The following SGCZ variants were observed in gnomAD, a reference collection of about 807,000 sequenced individuals.
SGCZ encodes the protein zeta-sarcoglycan.
In SGCZ, 40 loss-of-function variants were observed where a neutral mutation model predicts 41.3. That is an observed-to-expected ratio of 0.97 (90% CI 0.75 to 1.26). SGCZ has a LOEUF of 1.26. Ranked by LOEUF, SGCZ falls within the 50% of genes most tolerant of loss-of-function variation. SGCZ has a pLI of 0.00. For missense variants in SGCZ, 552 were observed against 369.8 expected (o/e 1.49, Z -4.04); for synonymous variants, 206 against 137.5 (o/e 1.50, Z -3.49).
chr8:14,383,522 T>C (rs767002925), intron 2 of SGCZ, among the ~76,000 whole-genome samples: 1 of 152,242 alleles, frequency 6.6e-6, no homozygotes, highest in Non-Finnish European at 1.5e-5. Context: ...AAAAGACATG[T>C]AGCCTCACAA....
At chr8:14,231,757 A>C (rs1262196042) in intron 4 of SGCZ, among the ~76,000 whole-genome samples, 4 of 152,192 alleles carry the variant, frequency 2.6e-5, no homozygotes, top group African/African-American at 9.6e-5. Flanking sequence ...TCTCCCTATT[A>C]AACAAAATGT....
chr8:14,776,901 G>A (rs1231446601), intron 1 of SGCZ, among the ~76,000 whole-genome samples: 1 of 152,192 alleles, frequency 6.6e-6, no homozygotes, highest in Non-Finnish European at 1.5e-5. Context: ...ACTGACCACA[G>A]AAATGTTAGA....
At chr8:14,946,749 C>G (rs568455917) in intron 1 of SGCZ, among the ~76,000 whole-genome samples, 1 of 149,626 alleles carries the variant, frequency 6.7e-6, no homozygotes, top group South Asian at 2.1e-4. Context: ...AATCTCAGCT[C>G]ACTGCAACCT....
At chr8:14,502,944 G>C (rs577668642) in intron 2 of SGCZ, among the ~76,000 whole-genome samples, 2 of 152,206 alleles carry the variant, frequency 1.3e-5, no homozygotes, top group African/African-American at 2.4e-5. Context: ...CTCGTTACTG[G>C]GTATGTATTC....
At chr8:14,340,290 T>C (rs182952042) in intron 2 of SGCZ, among the ~76,000 whole-genome samples, 2 of 152,280 alleles carry the variant, frequency 1.3e-5, no homozygotes, top group East Asian at 3.9e-4. Context: ...AAGGAAAATA[T>C]GACCAAAAAT....
At chr8:14,178,356 C>T (rs1804618020) in intron 4 of SGCZ, among the ~76,000 whole-genome samples, 1 of 152,182 alleles carries the variant, frequency 6.6e-6, no homozygotes, top group South Asian at 2.1e-4. Context: ...TTTTAGAATA[C>T]AACTGCTATA....
intron 1 of SGCZ, among the ~76,000 whole-genome samples, chr8:14,718,648 G>A (rs1475060820): frequency 2.5e-5 from 1 of 39,618 alleles, no homozygotes; most frequent in East Asian, 7.8e-4. Flanking sequence ...GTTCACAGGA[G>A]TATGCTATAA....
At chr8:14,948,834 G>A (rs768102829) in intron 1 of SGCZ, among the ~76,000 whole-genome samples, 6 of 151,714 alleles carry the variant, frequency 4.0e-5, no homozygotes, top group Non-Finnish European at 5.9e-5. Flanking sequence ...TTTCACACCC[G>A]TGTGTTTCTT....
At chr8:15,067,078 C>A (rs1805178976) in intron 1 of SGCZ, among the ~76,000 whole-genome samples, 1 of 152,106 alleles carries the variant, frequency 6.6e-6, no homozygotes, top group East Asian at 1.9e-4. Flanking sequence ...TTTTAAAATA[C>A]CTATGTAGAT....
rs144356204 is a variant in SGCZ at position 14,290,962 on chromosome 8, G to A, written c.336+33141C>T. Among the ~76,000 whole-genome samples, 92 of 152,174 alleles carry A rather than the reference G, an allele frequency of 6.0e-4. 1 individual carries two copies. In the East Asian group the frequency reaches 0.011, roughly 18 times the overall value. ...CCTAAAAATCCATCAGTGGATGAAT[G>A]GATAAAGAAAGTATTGTAAATATGT... On this transcript the variant is annotated intron_variant, in intron 3 of 7. Coordinates refer to ENST00000382080, the MANE Select transcript of SGCZ (RefSeq NM_139167.4).
At chr8:14,326,399 G>C (rs1302955271) in intron 2 of SGCZ, among the ~76,000 whole-genome samples, 2 of 151,976 alleles carry the variant, frequency 1.3e-5, no homozygotes, top group Admixed American at 6.6e-5. Context: ...GAAAAATTTT[G>C]AAGAGAGAAA....
chr8:14,253,921 G>A (rs5005957), intron 3 of SGCZ, among the ~76,000 whole-genome samples: 101,332 of 151,796 alleles, frequency 0.67, 34,200 homozygotes, highest in South Asian at 0.78. Context: ...AAAAATTACA[G>A]TTTTTCTCAC....
chr8:14,321,216 A>G (rs1801907546), intron 3 of SGCZ, among the ~76,000 whole-genome samples: 1 of 152,060 alleles, frequency 6.6e-6, no homozygotes, highest in East Asian at 1.9e-4. Context: ...GAATAATGTT[A>G]ATTTTGAAAA....
At chr8:14,200,477 A>T (rs983549942) in intron 4 of SGCZ, among the ~76,000 whole-genome samples, 4 of 152,160 alleles carry the variant, frequency 2.6e-5, no homozygotes, top group African/African-American at 9.6e-5. Context: ...AATCATGTAC[A>T]GTGCAGTATT....
intron 1 of SGCZ, among the ~76,000 whole-genome samples, chr8:14,826,131 T>C (rs1218350761): frequency 7.4e-6 from 1 of 135,884 alleles, no homozygotes; most frequent in Non-Finnish European, 1.6e-5. Flanking sequence ...CCCCTTCCTG[T>C]GTCCATGCCT....
At chr8:14,554,972 A>C (rs1357230965) in intron 1 of SGCZ, 46 bp from the exon 2 acceptor site, 1 of 1,489,022 alleles carries the variant, frequency 6.7e-7, no homozygotes, top group Non-Finnish European at 9.0e-7. Flanking sequence ...AAAAAAAAGA[A>C]GCATTAAAAA....
At chr8:14,966,136 T>A (rs1429584737) in intron 1 of SGCZ, among the ~76,000 whole-genome samples, 1 of 151,114 alleles carries the variant, frequency 6.6e-6, no homozygotes, top group African/African-American at 2.4e-5. Flanking sequence ...ACAAAATAAA[T>A]AAATTAGGAA....
At chr8:14,204,516 T>C (rs1224444013) in intron 4 of SGCZ, among the ~76,000 whole-genome samples, 3 of 152,142 alleles carry the variant, frequency 2.0e-5, no homozygotes, top group Admixed American at 1.3e-4. Context: ...TGGTTAATTT[T>C]AGGTGTCAAC....
At chr8:14,838,598 T>C (rs1406368707) in intron 1 of SGCZ, among the ~76,000 whole-genome samples, 1 of 152,156 alleles carries the variant, frequency 6.6e-6, no homozygotes, top group African/African-American at 2.4e-5. Context: ...GCCTTGCTTT[T>C]CCCTTAGAAT....
Sources: gnomAD v4.1 joint callset for allele counts (sites outside exome capture counted in the v4.1 genomes callset) on GRCh38, gnomAD v4.1.1 for gene constraint, MANE v1.5 for transcripts, NCBI Gene and HGNC (gene_info 2026-07-23, HGNC 2026-07-21) for gene names.